The following LAMA2 variants were observed in gnomAD, a reference collection of about 807,000 sequenced individuals.
LAMA2 encodes the protein laminin subunit alpha-2.
A neutral mutation model predicts 364.8 loss-of-function variants in LAMA2; 269 were observed. That is an observed-to-expected ratio of 0.74 (90% CI 0.67 to 0.82). The LOEUF (loss-of-function observed/expected upper bound fraction) is 0.82, where lower values mean the gene tolerates loss of function less well. Among genes scored for constraint, LAMA2 ranks in the 40% least tolerant of loss-of-function variants. The probability of loss-of-function intolerance (pLI) is 0.00; values close to 1 mark genes in which losing one functional copy is unlikely to be tolerated. For synonymous variants in LAMA2, 1,379 were observed against 1,370.6 expected (o/e 1.01, Z -0.14); for missense variants, 3,807 against 3,873.2 (o/e 0.98, Z 0.45).
chr6:129,272,950 C>CTT (rs1370888761), intron 17 of LAMA2, among the ~76,000 whole-genome samples: 4 of 152,132 alleles, frequency 2.6e-5, no homozygotes, highest in Non-Finnish European at 5.9e-5. Context: ...AAAGAAGTAC[C>CTT]TGGTGCCAAA....
At chr6:129,064,141 C>T (rs1277000383) in intron 3 of LAMA2, among the ~76,000 whole-genome samples, 1 of 151,404 alleles carries the variant, frequency 6.6e-6, no homozygotes, top group Non-Finnish European at 1.5e-5. Flanking sequence ...GGAAAATTCA[C>T]AAATACATGG....
At chr6:129,199,300 A>G (rs1782035485) in intron 12 of LAMA2, among the ~76,000 whole-genome samples, 2 of 152,238 alleles carry the variant, frequency 1.3e-5, no homozygotes, top group Admixed American at 6.5e-5. Flanking sequence ...AAAATTAAAC[A>G]TTCTTCATGT....
intron 4 of LAMA2, among the ~76,000 whole-genome samples, chr6:129,104,807 C>T (rs1775726148): frequency 6.6e-6 from 1 of 152,136 alleles, no homozygotes; most frequent in East Asian, 1.9e-4. Flanking sequence ...AAGAGATCAA[C>T]AAATGTTAGA....
chr6:129,501,683 A>G (rs1337961080), intron 58 of LAMA2, among the ~76,000 whole-genome samples: 1 of 152,186 alleles, frequency 6.6e-6, no homozygotes, highest in Non-Finnish European at 1.5e-5. Flanking sequence ...GCAGATCTTA[A>G]AAACAGATGT....
chr6:128,917,546 G>A (rs1483747121), intron 1 of LAMA2, among the ~76,000 whole-genome samples: 1 of 152,036 alleles, frequency 6.6e-6, no homozygotes, highest in East Asian at 1.9e-4. Flanking sequence ...TAAATGAAAT[G>A]AGAAGAGCTT....
Position 128,927,898 on chromosome 6 carries a change from G to A in LAMA2, c.112+44541G>A, listed in dbSNP as rs144626076. On this transcript the variant is annotated intron_variant, in intron 1 of 64. Coordinates refer to ENST00000421865, the MANE Select transcript of LAMA2 (RefSeq NM_000426.4). ...TCTTTGACTAAGACAATGAAATGTG[G>A]CTTTAAAAAAAGTAATCAGCACCAT... Among the ~76,000 whole-genome samples the A allele has an allele frequency of 2.0e-3, 304 of 151,604 alleles. 1 individual carries two copies. Among genetic ancestry groups the A allele is most frequent in the African/African-American group, 7.0e-3 (289 of 41,494 alleles).
chr6:129,013,933 T>A (rs1174257463), intron 1 of LAMA2, among the ~76,000 whole-genome samples: 1 of 152,122 alleles, frequency 6.6e-6, no homozygotes, highest in Admixed American at 6.5e-5. Flanking sequence ...ATGTGTGGGA[T>A]GTTTTAGGCA....
At chr6:129,279,809 G>C (rs563233939) in intron 17 of LAMA2, among the ~76,000 whole-genome samples, 1 of 152,266 alleles carries the variant, frequency 6.6e-6, no homozygotes, top group African/African-American at 2.4e-5. Flanking sequence ...TCACTACTCA[G>C]AGCAGTCGAA....
chr6:128,895,244 G>A (rs1180012793), intron 1 of LAMA2, among the ~76,000 whole-genome samples: 1 of 152,098 alleles, frequency 6.6e-6, no homozygotes, highest in Non-Finnish European at 1.5e-5. Context: ...CATATCATCT[G>A]CCCTTCTTAA....
chr6:129,346,807 C>A (rs921430314), intron 30 of LAMA2, among the ~76,000 whole-genome samples: 3 of 151,910 alleles, frequency 2.0e-5, no homozygotes, highest in Non-Finnish European at 2.9e-5. Flanking sequence ...CAAGTACTAC[C>A]AGGAGAAATA....
chr6:129,492,552 G>A, intron 58 of LAMA2, 69 bp downstream of exon 58: 2 of 1,342,976 alleles, frequency 1.5e-6, no homozygotes, highest in South Asian at 2.4e-5. Flanking sequence ...TCAGAAGGAA[G>A]ATTATTCAGG....
chr6:129,424,137 A>G (rs984241476), intron 40 of LAMA2, among the ~76,000 whole-genome samples: 1 of 152,080 alleles, frequency 6.6e-6, no homozygotes, highest in Non-Finnish European at 1.5e-5. Context: ...TATTTAACAA[A>G]TTCTACTAGA....
chr6:128,908,631 T>C (rs1314211071), intron 1 of LAMA2, among the ~76,000 whole-genome samples: 3 of 134,378 alleles, frequency 2.2e-5, no homozygotes, highest in Non-Finnish European at 4.7e-5. Context: ...GTGTCTCTAT[T>C]TCCTTCAGTT....
chr6:129,389,526 T>C (rs1242412110), intron 35 of LAMA2, among the ~76,000 whole-genome samples: 1 of 152,186 alleles, frequency 6.6e-6, no homozygotes, highest in Non-Finnish European at 1.5e-5. Context: ...CCTTATGACC[T>C]AATCTCCTCT....
At chr6:128,951,077 T>C (rs1445320392) in intron 1 of LAMA2, among the ~76,000 whole-genome samples, 1 of 152,168 alleles carries the variant, frequency 6.6e-6, no homozygotes, top group Non-Finnish European at 1.5e-5. Flanking sequence ...GCAAATTCTT[T>C]CAACAATAAT....
At chr6:129,241,111 G>A (rs1785369239) in intron 12 of LAMA2, among the ~76,000 whole-genome samples, 1 of 152,162 alleles carries the variant, frequency 6.6e-6, no homozygotes, top group Non-Finnish European at 1.5e-5. Flanking sequence ...TTTAATGATG[G>A]CAGGGTATCT....
At chr6:129,356,784 A>G (rs1340880772) in intron 32 of LAMA2, among the ~76,000 whole-genome samples, 1 of 152,120 alleles carries the variant, frequency 6.6e-6, no homozygotes, top group Non-Finnish European at 1.5e-5. Flanking sequence ...TTTTAAGTGT[A>G]TGTAATCTCA....
intron 8 of LAMA2, chr6:129,157,775 G>A (rs1384068905): frequency 2.9e-5 from 47 of 1,612,770 alleles, no homozygotes; most frequent in South Asian, 4.4e-5. Context: ...AGTCTTCCAC[G>A]ATCCCTCCTG....
At chr6:129,206,065 GGGAAA>G (rs200701932) in intron 12 of LAMA2, among the ~76,000 whole-genome samples, 2,660 of 110,722 alleles carry the variant, frequency 0.024, 26 homozygotes, top group African/African-American at 0.029. Flanking sequence ...GGGAAGGGAA[GGGAAA>G]GGAAAGGAAA....
Sources: gnomAD v4.1 joint callset for allele counts (sites outside exome capture counted in the v4.1 genomes callset) on GRCh38, gnomAD v4.1.1 for gene constraint, MANE v1.5 for transcripts, NCBI Gene and HGNC (gene_info 2026-07-23, HGNC 2026-07-21) for gene names.